USH2A: variants seen among roughly 807,000 people sequenced by gnomAD.
USH2A encodes usherin.
In USH2A, 443 loss-of-function variants were observed where a neutral mutation model predicts 538.9. The observed-to-expected ratio is 0.82, with a 90% CI of 0.76 to 0.89. The LOEUF is 0.89. Ranked by LOEUF, USH2A falls within the 40% of genes least tolerant of loss-of-function variation. The probability of loss-of-function intolerance (pLI) is 0.00; values close to 1 mark genes in which losing one functional copy is unlikely to be tolerated. For synonymous variants in USH2A, 2,413 were observed against 2,273.5 expected (o/e 1.06, Z -1.75); for missense variants, 6,633 against 6,324.8 (o/e 1.05, Z -1.65).
chr1:215,874,816 T>A (rs781631851), intron 43 of USH2A, among the ~76,000 whole-genome samples: 12 of 152,160 alleles, frequency 7.9e-5, no homozygotes, highest in Non-Finnish European at 1.6e-4. Context: ...ATTGGGATGG[T>A]GGAATCTGGG....
At position 215,908,432 on chromosome 1, in the gene USH2A, A is replaced by G. The variant is rs551869138; in HGVS notation, c.7301-7527T>C. ...TAAAATTTAGTTCTTGGAGAACTAA[A>G]CAGAACTCTTTTAAAAGTACTATCT... is the stretch of plus-strand genomic sequence containing the variant. On this transcript the variant is annotated intron_variant, in intron 38 of 71. Coordinates refer to ENST00000307340, the MANE Select transcript of USH2A (RefSeq NM_206933.4). 4.0e-3 allele frequency among the ~76,000 whole-genome samples: 611 copies of G among 152,070 alleles called. 1 individual carries two copies. The highest frequency in any genetic ancestry group is 5.5e-3 in the Non-Finnish European group (376 of 67,910).
At chr1:216,160,925 G>A (rs2034045563) in intron 21 of USH2A, among the ~76,000 whole-genome samples, 1 of 151,964 alleles carries the variant, frequency 6.6e-6, no homozygotes, top group Admixed American at 6.6e-5. Flanking sequence ...GAAACTATAA[G>A]TAGCACCTAA....
chr1:216,081,288 G>A (rs2031933546), intron 26 of USH2A, among the ~76,000 whole-genome samples: 1 of 152,092 alleles, frequency 6.6e-6, no homozygotes, highest in African/African-American at 2.4e-5. Context: ...ATGCGTTGGT[G>A]AACTTAATGA....
Position 216,240,706 on chromosome 1 carries a change from A to G in USH2A, c.2809+5879T>C, listed in dbSNP as rs115141288. On this transcript the variant is annotated intron_variant, in intron 13 of 71. Transcript: ENST00000307340. ...TCAGATATTCAAAATTTTCTCCTCAAATTACTTCCCTCCTTGTATTCTTTT... is the reference window on the plus strand; with the variant it reads ...TCAGATATTCAAAATTTTCTCCTCAGATTACTTCCCTCCTTGTATTCTTTT... 3.2e-3 allele frequency among the ~76,000 whole-genome samples: 480 copies of G among 152,260 alleles called. 2 individuals are homozygous for G. Among genetic ancestry groups the G allele is most frequent in the African/African-American group, 0.011 (466 of 41,564 alleles).
chr1:216,342,665 G>A (rs1384933001), intron 4 of USH2A, among the ~76,000 whole-genome samples: 1 of 152,054 alleles, frequency 6.6e-6, no homozygotes, highest in Admixed American at 6.6e-5. Flanking sequence ...CCATAAAAAG[G>A]AATAAGATCA....
chr1:216,008,030 C>A (rs952833212), intron 32 of USH2A, among the ~76,000 whole-genome samples: 7 of 152,128 alleles, frequency 4.6e-5, no homozygotes, highest in African/African-American at 1.7e-4. Context: ...ATTTTCAGAA[C>A]CTAGGTACAA....
intron 64 of USH2A, among the ~76,000 whole-genome samples, chr1:215,669,298 T>C (rs1455045626): frequency 6.6e-6 from 1 of 152,172 alleles, no homozygotes; most frequent in Non-Finnish European, 1.5e-5. Context: ...TCAATAAAGG[T>C]AATGAGAAAA....
At chr1:215,957,323 T>C (rs1667093157) in intron 37 of USH2A, among the ~76,000 whole-genome samples, 1 of 152,188 alleles carries the variant, frequency 6.6e-6, no homozygotes, top group South Asian at 2.1e-4. Flanking sequence ...GGGGCTGTTG[T>C]CTGTAACTAA....
chr1:215,656,604 A>G (rs1657262406), intron 64 of USH2A, among the ~76,000 whole-genome samples: 1 of 152,172 alleles, frequency 6.6e-6, no homozygotes, highest in African/African-American at 2.4e-5. Context: ...GCTTGGAGCA[A>G]TTTGAGATTT....
At position 216,084,439 on chromosome 1, in the gene USH2A, TG is replaced by T. The variant is rs1167333178; in HGVS notation, c.5167+258del. 2.6e-5 allele frequency among the ~76,000 whole-genome samples: 4 copies of T among 152,126 alleles called. No homozygotes were observed. In the East Asian group the frequency reaches 7.7e-4, roughly 29 times the overall value. ...AAACAACTGATTTGCAAATGGACAT[TG>T]GTGATGCTAACATATGTAAATCAAG... On this transcript the variant is annotated intron_variant, in intron 25 of 71. Transcript: ENST00000307340.
intron 3 of USH2A, among the ~76,000 whole-genome samples, chr1:216,365,600 T>C (rs1043721689): frequency 1.3e-5 from 2 of 152,152 alleles, no homozygotes; most frequent in South Asian, 4.1e-4. Context: ...CAATGTAGGG[T>C]AACAAAAAGT....
At chr1:216,232,633 T>C (rs542659643) in intron 13 of USH2A, among the ~76,000 whole-genome samples, 168 of 152,334 alleles carry the variant, frequency 1.1e-3, no homozygotes, top group Non-Finnish European at 2.0e-3. Flanking sequence ...TTCTGTATTT[T>C]ACTAAAACAA....
In USH2A at chr1:215,817,040, G is replaced by A. The variant is rs1484284714; in HGVS notation, c.9527C>T (p.Pro3176Leu). 5 of 1,612,642 alleles carry A rather than the reference G, an allele frequency of 3.1e-6. No homozygotes were observed. The highest frequency in any genetic ancestry group is 1.3e-5 in the African/African-American group (1 of 74,958). Residue 3176 changes from proline to leucine, a missense_variant, in exon 48 of 72, where the codon CCT becomes CTT. Pro to Leu is a moderately conservative substitution (Grantham distance 98). Coordinates refer to ENST00000307340, the MANE Select transcript of USH2A (RefSeq NM_206933.4). ...ELCKAVRCQK[P>L]ESICGHICYS... ...GCAAATGTGTCCACAGATAGATTCA[G>A]GTTTTTGACACCTCACTGCCTTGCA...
chr1:215,795,657 C>T (rs10864200), intron 50 of USH2A, among the ~76,000 whole-genome samples: 70,622 of 151,924 alleles, frequency 0.46, 17,730 homozygotes, highest in East Asian at 0.7. Flanking sequence ...CACTTTTGCA[C>T]CCTCCCTGCC....
intron 44 of USH2A, among the ~76,000 whole-genome samples, chr1:215,854,783 G>A (rs1664114240): frequency 6.6e-6 from 1 of 152,150 alleles, no homozygotes; most frequent in Non-Finnish European, 1.5e-5. Flanking sequence ...CTAATCTTTT[G>A]TTATGCAGAT....
At chr1:216,245,470 TGAGAGAGAGAGAGAGAGAGAGAGAGA>T (rs10535828) in intron 13 of USH2A, among the ~76,000 whole-genome samples, 7 of 114,176 alleles carry the variant, frequency 6.1e-5, no homozygotes, top group Non-Finnish European at 1.2e-4. Flanking sequence ...AGTCCCCTTC[TGAGAGAGAGAGAGAGAGAGAGAGAGA>T]GAGAGAGAGA....
Position 216,421,861 on chromosome 1 carries a change from T to C in USH2A, c.476A>G (p.Gln159Arg), listed in dbSNP as rs1231425162. ...CTACACTACTACTTACATTACACCT[T>C]GTTGCTCAGGTTTCAGCCATACAGC... Reference protein sequence around the residue: ...TLAVWLKPEQQGVMCVIEKTV... With the variant: ...TLAVWLKPEQRGVMCVIEKTV... Residue 159 changes from glutamine to arginine, a missense_variant, in exon 2 of 72, where the codon CAA becomes CGA. Gln to Arg is a conservative substitution (Grantham distance 43). Coordinates refer to ENST00000307340, the MANE Select transcript of USH2A (RefSeq NM_206933.4). The C allele has an allele frequency of 1.2e-6, 2 of 1,613,958 alleles. No individual in the cohort carries two copies. Among genetic ancestry groups the C allele is most frequent in the Non-Finnish European group, 1.7e-6 (2 of 1,179,880 alleles).
At position 215,790,156 on chromosome 1, in the gene USH2A, T is replaced by A; in HGVS notation, c.10085A>T (p.Glu3362Val). ...DPVPVKCCET[E>V]LIPKSQKCCN... ...GCATTTCTGGCTCTTTGGAATAAGT[T>A]CAGTCTCACAGCATTTTACTGGCAC... The change falls in exon 51 of 72, where the codon GAA becomes GTA. Residue 3362 changes from glutamate to valine, a missense_variant. Physicochemically the swap from Glu to Val is moderately radical, Grantham distance 121. Coordinates refer to ENST00000307340, the MANE Select transcript of USH2A (RefSeq NM_206933.4). The A allele has an allele frequency of 6.2e-7, 1 of 1,614,032 alleles. No homozygotes were observed. The highest frequency in any genetic ancestry group is 8.5e-7 in the Non-Finnish European group (1 of 1,179,984).
intron 67 of USH2A, among the ~76,000 whole-genome samples, chr1:215,643,552 G>A (rs1307914333): frequency 6.7e-6 from 1 of 148,528 alleles, no homozygotes; most frequent in African/African-American, 2.5e-5. Flanking sequence ...TAAAGACCAA[G>A]TCTTGCTCTG....
Sources: gnomAD v4.1 joint callset for allele counts (sites outside exome capture counted in the v4.1 genomes callset) on GRCh38, gnomAD v4.1.1 for gene constraint, MANE v1.5 for transcripts, NCBI Gene and HGNC (gene_info 2026-07-23, HGNC 2026-07-21) for gene names.